KIF24: variants seen among roughly 807,000 people sequenced by gnomAD.
The protein encoded by KIF24 is kinesin-like protein KIF24.
In KIF24, 81 loss-of-function variants were observed where a neutral mutation model predicts 118.9. The observed-to-expected ratio is 0.68, with a 90% CI of 0.57 to 0.82. The LOEUF is 0.82. Ranked by LOEUF, KIF24 falls within the 40% of genes least tolerant of loss-of-function variation. The pLI, the probability that KIF24 is intolerant of heterozygous loss-of-function variation, is 0.00. For synonymous variants in KIF24, 599 were observed against 610.0 expected (o/e 0.98, Z 0.27); for missense variants, 1,560 against 1,661.6 (o/e 0.94, Z 1.06).
At chr9:34,263,195 C>T in intron 8 of KIF24, 23 bp from the exon 9 acceptor site, 1 of 1,590,382 alleles carries the variant, frequency 6.3e-7, no homozygotes, top group Non-Finnish European at 8.6e-7. Flanking sequence ...AGAACAAGCA[C>T]ATCAAGTATC....
chr9:34,275,471 G>A (rs1835625696), intron 6 of KIF24, among the ~76,000 whole-genome samples: 1 of 152,056 alleles, frequency 6.6e-6, no homozygotes, highest in Non-Finnish European at 1.5e-5. Flanking sequence ...GGGAGGCTGA[G>A]GTAGGGATCG....
At chr9:34,291,278 G>T (rs1422657434) in intron 4 of KIF24, among the ~76,000 whole-genome samples, 1 of 152,150 alleles carries the variant, frequency 6.6e-6, no homozygotes, top group East Asian at 1.9e-4. Context: ...TTCCACTGTG[G>T]AATAGGAATA....
Position 34,257,676 on chromosome 9 carries a change from T to G in KIF24, c.1931A>C (p.His644Pro). The G allele has an allele frequency of 6.2e-7, 1 of 1,614,052 alleles. No individual in the cohort carries two copies. The highest frequency in any genetic ancestry group is 8.5e-7 in the Non-Finnish European group (1 of 1,179,890). ...RGSPSQEWVI[H>P]ASPVKGTVRS... ...CACAGTTCCTTTCACAGGGCTAGCA[T>G]GAATGACCCACTCTTGTGAAGGACT... Residue 644 changes from histidine (H) to proline (P), a missense_variant, in exon 11 of 13, where the codon CAT (histidine) becomes CCT (proline). This residue lies in a region of KIF24 where 964 missense variants were observed against 988.0 expected (regional missense o/e 0.98). Transcript: ENST00000402558.
chr9:34,332,381 C>T (rs1837966206), upstream of KIF24, among the ~76,000 whole-genome samples: 1 of 152,180 alleles, frequency 6.6e-6, no homozygotes, highest in African/African-American at 2.4e-5. Context: ...TTGCACAAAA[C>T]ACACTGTAAC....
chr9:34,319,532 C>G, intron 1 of KIF24: 1 of 1,197,290 alleles, frequency 8.4e-7, no homozygotes, highest in Non-Finnish European at 1.2e-6. Flanking sequence ...AGCTGCGCAG[C>G]CCCAAGCTGT....
At chr9:34,258,413 T>C (rs1016988894) in intron 10 of KIF24, among the ~76,000 whole-genome samples, 1 of 152,150 alleles carries the variant, frequency 6.6e-6, no homozygotes, top group African/African-American at 2.4e-5. Context: ...AAGGCTGCAG[T>C]GAGCCATGAT....
intron 7 of KIF24, among the ~76,000 whole-genome samples, chr9:34,271,344 GA>G (rs1563941532): frequency 7.5e-5 from 6 of 80,478 alleles, no homozygotes; most frequent in East Asian, 1.9e-3. Flanking sequence ...AAAAAAAAAA[GA>G]AAAAGAAAAG....
At chr9:34,300,262 A>G (rs1449888477) in intron 3 of KIF24, among the ~76,000 whole-genome samples, 3 of 152,214 alleles carry the variant, frequency 2.0e-5, no homozygotes, top group Non-Finnish European at 4.4e-5. Flanking sequence ...AGAACACTAA[A>G]ATATTAATAA....
At chr9:34,284,338 G>C (rs1835958858) in intron 6 of KIF24, among the ~76,000 whole-genome samples, 1 of 151,926 alleles carries the variant, frequency 6.6e-6, no homozygotes, top group African/African-American at 2.4e-5. Context: ...TCACAGCTAG[G>C]TATATATCCT....
rs1836212032 is a variant in KIF24, at chr9:34,290,398, A to T, written c.912-9T>A. On this transcript the variant is annotated splice_polypyrimidine_tract_variant and intron_variant, in intron 4 of 12. Transcript: ENST00000402558. Reference sequence around the variant, plus strand: ...AGCAAGTGGCATTGCCTCTGGGGAAAGGATAATTTGCATTACTTATGCATA... The same window carrying T: ...AGCAAGTGGCATTGCCTCTGGGGAATGGATAATTTGCATTACTTATGCATA... The T allele has an allele frequency of 6.3e-7, 1 of 1,579,442 alleles. No homozygotes were observed. Among genetic ancestry groups the T allele is most frequent in the African/African-American group, 1.4e-5 (1 of 74,032 alleles).
Position 34,310,829 on chromosome 9 carries a change from G to A in KIF24, c.518C>T (p.Ser173Leu), listed in dbSNP as rs748043688. ...VQTEISTSLF[S>L]PNYLSAILGD... ...CAGTATTGCAGAAAGGTAATTTGGT[G>A]AAAAGAGTGAAGTGCTGATTTCTGT... Residue 173 changes from serine to leucine, a missense_variant, in exon 2 of 13, where the codon TCA (serine) becomes TTA (leucine). By Grantham distance (145) the Ser-to-Leu change is moderately radical. Coordinates refer to ENST00000402558, the MANE Select transcript of KIF24 (RefSeq NM_194313.4). 5 of 1,613,910 alleles carry A rather than the reference G, an allele frequency of 3.1e-6. No homozygotes were observed. Among genetic ancestry groups the A allele is most frequent in the Admixed American group, 3.3e-5 (2 of 60,020 alleles).
chr9:34,321,483 C>T (rs916780154), intron 1 of KIF24, among the ~76,000 whole-genome samples: 16 of 149,576 alleles, frequency 1.1e-4, no homozygotes, highest in African/African-American at 3.2e-4. Context: ...GTACTGATTA[C>T]GCATTTGCAG....
At chr9:34,314,959 A>G (rs899593240) in intron 1 of KIF24, among the ~76,000 whole-genome samples, 4 of 152,246 alleles carry the variant, frequency 2.6e-5, no homozygotes, top group African/African-American at 4.8e-5. Flanking sequence ...ATAAATCTAT[A>G]TCTTTGCTTA....
At chr9:34,321,788 G>A (rs1837534706) in intron 1 of KIF24, among the ~76,000 whole-genome samples, 1 of 151,456 alleles carries the variant, frequency 6.6e-6, no homozygotes, top group African/African-American at 2.4e-5. Context: ...TTTATTTTTT[G>A]TAGAGATGAG....
chr9:34,254,563 G>A, intron 12 of KIF24, 43 bp from the exon 13 acceptor site: 1 of 1,593,324 alleles, frequency 6.3e-7, no homozygotes, highest in South Asian at 1.1e-5. Context: ...TGCTCTTGCT[G>A]GCGCTCTGCC....
chr9:34,324,735 C>A (rs1837623778), intron 1 of KIF24, among the ~76,000 whole-genome samples: 1 of 152,204 alleles, frequency 6.6e-6, no homozygotes, highest in African/African-American at 2.4e-5. Flanking sequence ...AATCTAGCCC[C>A]TTCCTCACTC....
intron 4 of KIF24, 28 bp downstream of exon 4, chr9:34,296,989 C>CA (rs746870527): frequency 2.4e-5 from 28 of 1,182,426 alleles, no homozygotes; most frequent in Non-Finnish European, 2.9e-5. Flanking sequence ...AAATAAAAAG[C>CA]AAAAAAAGCA....
intron 9 of KIF24, among the ~76,000 whole-genome samples, chr9:34,262,676 AT>A (rs370356785): frequency 0.01 from 136 of 13,200 alleles, 3 homozygotes; most frequent in African/African-American, 0.021. Flanking sequence ...AAAAAAAAAA[AT>A]ATATATATAT....
rs570788521 is a variant in KIF24 at position 34,257,624 on chromosome 9, CT to C, written c.1982del (p.Lys661SerfsTer34). 49 of 1,613,742 alleles carry C rather than the reference CT, an allele frequency of 3.0e-5. 1 individual carries two copies. The Admixed American group carries it at 6.3e-4, about 21-fold the overall frequency. ...AGCACAATGGTGCTGACTCTTCTGG[CT>C]TTTTTTTGGCCACATGTCCAGAGCG... The part of the protein sequence containing the change: ...TVRSGHVAKK[K>X]PEESAPLCSE... On this transcript the variant is annotated frameshift_variant, in exon 11 of 13. Coordinates refer to ENST00000402558, the MANE Select transcript of KIF24 (RefSeq NM_194313.4). LOFTEE classifies it high-confidence loss of function.
Sources: gnomAD v4.1 joint callset for allele counts (sites outside exome capture counted in the v4.1 genomes callset) on GRCh38, gnomAD v4.1.1 for gene constraint, gnomAD v4.1.1 regional missense constraint, MANE v1.5 for transcripts, NCBI Gene and HGNC (gene_info 2026-07-23, HGNC 2026-07-21) for gene names.